Variants in ZBTB20 observed in about 807,000 individuals in gnomAD.
ZBTB20 encodes the protein zinc finger and BTB domain-containing protein 20.
In ZBTB20, 9 loss-of-function variants were observed where a neutral mutation model predicts 56.9. That is an observed-to-expected ratio of 0.16 (90% CI 0.10 to 0.28). ZBTB20 has a LOEUF of 0.28. Among genes scored for constraint, ZBTB20 ranks in the 10% least tolerant of loss-of-function variants. The probability of loss-of-function intolerance (pLI) is 1.00; values close to 1 mark genes in which losing one functional copy is unlikely to be tolerated. For missense variants in ZBTB20, 655 were observed against 1,003.0 expected (o/e 0.65, Z 4.69); for synonymous variants, 417 against 420.7 (o/e 0.99, Z 0.11).
At chr3:114,396,755 T>C (rs1041441799) in intron 7 of ZBTB20, among the ~76,000 whole-genome samples, 1 of 152,188 alleles carries the variant, frequency 6.6e-6, no homozygotes, top group African/African-American at 2.4e-5. Flanking sequence ...CATGTCTTCT[T>C]GAATATTTCT....
intron 5 of ZBTB20, among the ~76,000 whole-genome samples, chr3:114,787,409 A>T (rs1386522734): frequency 6.8e-6 from 1 of 146,514 alleles, no homozygotes; most frequent in Non-Finnish European, 1.5e-5. Flanking sequence ...ATACATATAT[A>T]TACGTGTGTA....
intron 2 of ZBTB20, among the ~76,000 whole-genome samples, chr3:115,002,783 C>T (rs553336883): frequency 2.0e-5 from 3 of 151,614 alleles, no homozygotes; most frequent in African/African-American, 7.3e-5. Context: ...ATTAAACATA[C>T]ACTTACCATA....
In ZBTB20 at chr3:114,948,907, A is replaced by G. The variant is rs1048369404; in HGVS notation, c.-456+25459T>C. Among the ~76,000 whole-genome samples, 13 of 146,288 alleles carry G rather than the reference A, an allele frequency of 8.9e-5. 2 individuals carry two copies. Among genetic ancestry groups the G allele is most frequent in the Admixed American group, 4.0e-4 (6 of 15,164 alleles). Reference sequence around the variant, plus strand: ...ATCTCAATCAAAATCCCAGCAAATTACATATTGTAGAGATTAACAAGCAGA... The same window carrying G: ...ATCTCAATCAAAATCCCAGCAAATTGCATATTGTAGAGATTAACAAGCAGA... On this transcript the variant is annotated intron_variant, in intron 3 of 11. Transcript: ENST00000675478.
chr3:114,872,321 C>T lies in ZBTB20; in HGVS notation c.-417+27983G>A, dbSNP rs533411697. On this transcript the variant is annotated intron_variant, in intron 4 of 11. Coordinates refer to ENST00000675478, the MANE Select transcript of ZBTB20 (RefSeq NM_001348800.3). ...AGTAAGTCAAAAATATAAACAACTA[C>T]GGCACAGGTCTGATGTAGAAAACAT... is the stretch of plus-strand genomic sequence containing the variant. Among the ~76,000 whole-genome samples the T allele has an allele frequency of 4.6e-5, 7 of 152,184 alleles. No individual in the cohort carries two copies. The East Asian group carries it at 5.8e-4, about 13-fold the overall frequency.
chr3:114,675,328 GT>G (rs1017336248), intron 6 of ZBTB20, among the ~76,000 whole-genome samples: 2 of 113,886 alleles, frequency 1.8e-5, no homozygotes, highest in Admixed American at 1.1e-4. Flanking sequence ...AGGTTACTGT[GT>G]TTTTTTTGCT....
chr3:114,613,531 G>T (rs542968726), intron 6 of ZBTB20, among the ~76,000 whole-genome samples: 2 of 152,186 alleles, frequency 1.3e-5, no homozygotes, highest in South Asian at 4.2e-4. Context: ...GTAATAAGAT[G>T]AGAGCAGCCA....
intron 7 of ZBTB20, among the ~76,000 whole-genome samples, chr3:114,433,907 C>A (rs1559783928): frequency 6.6e-6 from 1 of 152,140 alleles, no homozygotes; most frequent in Admixed American, 6.5e-5. Flanking sequence ...AATTGATGTG[C>A]ATTAGGGGAT....
chr3:114,932,576 T>C (rs2076395526), intron 3 of ZBTB20, among the ~76,000 whole-genome samples: 1 of 152,246 alleles, frequency 6.6e-6, no homozygotes, highest in Non-Finnish European at 1.5e-5. Flanking sequence ...ACATAAGTCA[T>C]CACTCTATTT....
intron 3 of ZBTB20, among the ~76,000 whole-genome samples, chr3:114,906,172 G>C (rs2075310677): frequency 6.6e-6 from 1 of 151,816 alleles, no homozygotes; most frequent in South Asian, 2.1e-4. Context: ...ATAAGTATTT[G>C]TCAGATGTAT....
intron 4 of ZBTB20, among the ~76,000 whole-genome samples, chr3:114,878,701 A>G (rs934204028): frequency 2.6e-5 from 4 of 152,078 alleles, no homozygotes; most frequent in Admixed American, 6.6e-5. Context: ...CTCATCCTTG[A>G]CACATGGAAA....
intron 7 of ZBTB20, among the ~76,000 whole-genome samples, chr3:114,450,159 C>A (rs556476589): frequency 6.6e-6 from 1 of 152,128 alleles, no homozygotes; most frequent in Non-Finnish European, 1.5e-5. Flanking sequence ...GGTGCCTCTG[C>A]GAAAGATCAT....
At chr3:114,950,115 A>G (rs555888792) in intron 3 of ZBTB20, among the ~76,000 whole-genome samples, 25 of 152,268 alleles carry the variant, frequency 1.6e-4, no homozygotes, top group African/African-American at 6.0e-4. Context: ...CGACGAGTAG[A>G]ACAATAGGAT....
intron 3 of ZBTB20, among the ~76,000 whole-genome samples, chr3:114,925,247 C>T (rs2076112938): frequency 1.3e-5 from 2 of 152,048 alleles, no homozygotes; most frequent in South Asian, 4.1e-4. Context: ...TCCCAAAGTG[C>T]TGAGATTACA....
chr3:115,139,166 A>G (rs965983774), intron 1 of ZBTB20, among the ~76,000 whole-genome samples: 2 of 152,060 alleles, frequency 1.3e-5, no homozygotes, highest in Non-Finnish European at 2.9e-5. Context: ...TTATATGATC[A>G]GTACCAGGAA....
intron 3 of ZBTB20, among the ~76,000 whole-genome samples, chr3:114,926,888 A>C: frequency 6.6e-6 from 1 of 152,212 alleles, no homozygotes; most frequent in South Asian, 2.1e-4. Context: ...ACAGGCATAC[A>C]CCACCACATC....
chr3:114,526,534 T>A (rs906227555), intron 6 of ZBTB20, among the ~76,000 whole-genome samples: 4 of 152,106 alleles, frequency 2.6e-5, no homozygotes, highest in Non-Finnish European at 4.4e-5. Flanking sequence ...ATAATAATAA[T>A]AGCCCACTGT....
At chr3:115,129,788 T>C (rs1198594063) in intron 1 of ZBTB20, among the ~76,000 whole-genome samples, 1 of 152,234 alleles carries the variant, frequency 6.6e-6, no homozygotes, top group African/African-American at 2.4e-5. Flanking sequence ...AGTACCTGAA[T>C]AAAATCTCCC....
chr3:114,394,074 T>G (rs886262175), intron 7 of ZBTB20, among the ~76,000 whole-genome samples: 7 of 152,178 alleles, frequency 4.6e-5, no homozygotes, highest in Non-Finnish European at 1.0e-4. Context: ...GATTAAAGTT[T>G]ACAAGAAAGG....
intron 5 of ZBTB20, among the ~76,000 whole-genome samples, chr3:114,731,455 A>C (rs1460417264): frequency 6.6e-6 from 1 of 152,202 alleles, no homozygotes; most frequent in African/African-American, 2.4e-5. Flanking sequence ...TACTTCATTC[A>C]ACAACTTTTC....
Sources: gnomAD v4.1 joint callset for allele counts (sites outside exome capture counted in the v4.1 genomes callset) on GRCh38, gnomAD v4.1.1 for gene constraint, MANE v1.5 for transcripts, NCBI Gene and HGNC (gene_info 2026-07-23, HGNC 2026-07-21) for gene names.